TTC29: variants seen among roughly 807,000 people sequenced by gnomAD.
The protein encoded by TTC29 is tetratricopeptide repeat domain 29, also known as tetratricopeptide repeat protein 29.
TTC29 carries 49 observed loss-of-function variants against 58.1 expected under a neutral mutation model. That is an observed-to-expected ratio of 0.84 (90% CI 0.67 to 1.07). The LOEUF (loss-of-function observed/expected upper bound fraction) is 1.07. TTC29 is among the 50% of genes least tolerant of loss of function. The pLI, the probability that TTC29 is intolerant of heterozygous loss-of-function variation, is 0.00. For synonymous variants in TTC29, 209 were observed against 196.8 expected, an observed-to-expected ratio of 1.06 and a Z score of -0.52; for missense variants, 582 against 555.6, an observed-to-expected ratio of 1.05 and a Z score of -0.48.
intron 8 of TTC29, among the ~76,000 whole-genome samples, chr4:146,842,218 C>A (rs1728895524): frequency 6.6e-6 from 1 of 152,020 alleles, no homozygotes; most frequent in Admixed American, 6.6e-5. Context: ...TTTGCTTGAA[C>A]AATTTTCATG....
intron 11 of TTC29, among the ~76,000 whole-genome samples, chr4:146,747,718 G>T (rs777585725): frequency 1.3e-5 from 2 of 152,154 alleles, no homozygotes; most frequent in African/African-American, 2.4e-5. Flanking sequence ...CATCTGATGT[G>T]GTGCCCTACC....
At chr4:146,900,794 C>T (rs1733092845) in intron 6 of TTC29, among the ~76,000 whole-genome samples, 2 of 152,022 alleles carry the variant, frequency 1.3e-5, no homozygotes, top group Admixed American at 6.6e-5. Context: ...CTTAACACTG[C>T]TAAATATACT....
chr4:146,868,387 G>A (rs1730706599), intron 7 of TTC29, among the ~76,000 whole-genome samples: 1 of 152,008 alleles, frequency 6.6e-6, no homozygotes, highest in African/African-American at 2.4e-5. Context: ...ATTAAAAAAA[G>A]CTATTGATTA....
At chr4:146,707,647 TC>T in intron 11 of TTC29, 96 bp from the exon 12 acceptor site, 1 of 820,878 alleles carries the variant, frequency 1.2e-6, no homozygotes, top group East Asian at 2.6e-5. Context: ...GGGATATCTG[TC>T]CTTATCACCT....
At position 146,836,666 on chromosome 4, in the gene TTC29, C is replaced by T. The variant is rs144039651; in HGVS notation, c.886-2769G>A. On this transcript the variant is annotated intron_variant, in intron 8 of 12. Coordinates refer to ENST00000325106, the MANE Select transcript of TTC29 (RefSeq NM_031956.4). The stretch of plus-strand genomic sequence containing the variant: ...TTTTAATTTACAAGAAAAACTCAAC[C>T]TTATTAAAAAGTGGGCAAAGGAGGT... Among the ~76,000 whole-genome samples the T allele has an allele frequency of 1.3e-4, 20 of 152,078 alleles. No individual in the cohort carries two copies. In the East Asian group the frequency reaches 3.9e-3, roughly 29 times the overall value.
At chr4:146,874,997 G>T in intron 6 of TTC29, 69 bp from the exon 7 acceptor site, 1 of 1,223,214 alleles carries the variant, frequency 8.2e-7, no homozygotes, top group Non-Finnish European at 1.2e-6. Context: ...TTTTGCATAC[G>T]TTTTAGCTTT....
rs543273442 is a variant in TTC29, at chr4:146,929,359, G to C, written c.176+8235C>G. Among the ~76,000 whole-genome samples, 3 of 151,806 alleles carry C rather than the reference G, an allele frequency of 2.0e-5. No individual in the cohort carries two copies. The South Asian group carries it at 6.2e-4, about 32-fold the overall frequency. ...CAGGGCCCAGTCATGCCTTGCCCTT[G>C]TCCCCAGACAGTCTGTCCTTTTCAC... On this transcript the variant is annotated intron_variant, in intron 4 of 12. Coordinates refer to ENST00000325106, the MANE Select transcript of TTC29 (RefSeq NM_031956.4).
chr4:146,739,725 T>C (rs1744985644), intron 11 of TTC29, among the ~76,000 whole-genome samples: 1 of 152,192 alleles, frequency 6.6e-6, no homozygotes, highest in Non-Finnish European at 1.5e-5. Context: ...ATTCATACTT[T>C]TCCCTACAAT....
chr4:146,827,354 G>A lies in TTC29; in HGVS notation c.977+6452C>T, dbSNP rs532357817. Among the ~76,000 whole-genome samples, 14 of 152,242 alleles carry A rather than the reference G, an allele frequency of 9.2e-5. No homozygotes were observed. In the South Asian group the frequency reaches 2.1e-3, roughly 23 times the overall value. Reference sequence around the variant, plus strand: ...CCCCAGCTTCTTGTAGGCCATCTTGGCCCCGCCCCCACAGTAGCATTTCTA... The same window carrying A: ...CCCCAGCTTCTTGTAGGCCATCTTGACCCCGCCCCCACAGTAGCATTTCTA... On this transcript the variant is annotated intron_variant, in intron 9 of 12. Coordinates refer to ENST00000325106, the MANE Select transcript of TTC29 (RefSeq NM_031956.4).
At chr4:146,922,767 T>A (rs772917749) in intron 4 of TTC29, among the ~76,000 whole-genome samples, 15 of 151,780 alleles carry the variant, frequency 9.9e-5, no homozygotes, top group Middle Eastern at 3.4e-3. Flanking sequence ...ATCTTTACAC[T>A]CCCTCCAAGA....
At chr4:146,792,906 G>T (rs936215964) in intron 11 of TTC29, among the ~76,000 whole-genome samples, 7 of 152,146 alleles carry the variant, frequency 4.6e-5, no homozygotes, top group African/African-American at 1.7e-4. Flanking sequence ...GACTTTGAGA[G>T]GTTTGAGATT....
chr4:146,833,936 G>T, intron 8 of TTC29, 39 bp from the exon 9 acceptor site: 1 of 1,313,080 alleles, frequency 7.6e-7, no homozygotes, highest in Non-Finnish European at 1.1e-6. Context: ...ATATAGCACA[G>T]CCAGATACGC....
At chr4:146,818,189 C>T (rs1161506670) in intron 10 of TTC29, among the ~76,000 whole-genome samples, 1 of 152,118 alleles carries the variant, frequency 6.6e-6, no homozygotes, top group African/African-American at 2.4e-5. Context: ...ACTCATCTGA[C>T]AAAGGGCTAA....
intron 7 of TTC29, among the ~76,000 whole-genome samples, chr4:146,867,803 A>G (rs2150210182): frequency 6.6e-6 from 1 of 152,278 alleles, no homozygotes; most frequent in South Asian, 2.1e-4. Context: ...GGATATAATT[A>G]TATACCTCAT....
chr4:146,859,506 T>G (rs1216904130), intron 8 of TTC29, among the ~76,000 whole-genome samples: 1 of 152,196 alleles, frequency 6.6e-6, no homozygotes, highest in African/African-American at 2.4e-5. Flanking sequence ...GACTATGAAT[T>G]CTGGCATAAC....
chr4:146,931,167 A>T (rs1735309211), intron 4 of TTC29, among the ~76,000 whole-genome samples: 2 of 151,870 alleles, frequency 1.3e-5, no homozygotes, highest in Non-Finnish European at 1.5e-5. Flanking sequence ...ACATAGTGAG[A>T]CCCTGTCTCT....
chr4:146,944,689 A>G (rs1560748502), intron 2 of TTC29, among the ~76,000 whole-genome samples: 1 of 152,324 alleles, frequency 6.6e-6, no homozygotes, highest in East Asian at 1.9e-4. Flanking sequence ...CACGAGTTCA[A>G]AACAAGTAGG....
At chr4:146,712,034 A>C (rs1284909285) in intron 11 of TTC29, among the ~76,000 whole-genome samples, 3 of 151,832 alleles carry the variant, frequency 2.0e-5, no homozygotes, top group Non-Finnish European at 4.4e-5. Context: ...TAAATACATA[A>C]ATAAATAGAA....
At position 146,833,907 on chromosome 4, in the gene TTC29, A is replaced by G; in HGVS notation, c.886-10T>C. 6.3e-7 allele frequency: 1 copy of G among 1,590,012 alleles called. No homozygotes were observed. On this transcript the variant is annotated splice_polypyrimidine_tract_variant and intron_variant, in intron 8 of 12. Transcript: ENST00000325106. ...AGTAAGTGTCAAGGACCTATCAGGA[A>G]GAGAAATACATATTGAACATATAGC... is the stretch of plus-strand genomic sequence containing the variant.
Sources: gnomAD v4.1 joint callset for allele counts (sites outside exome capture counted in the v4.1 genomes callset) on GRCh38, gnomAD v4.1.1 for gene constraint, MANE v1.5 for transcripts, NCBI Gene and HGNC (gene_info 2026-07-23, HGNC 2026-07-21) for gene names.